The following PKIB variants were observed in gnomAD, a reference collection of about 807,000 sequenced individuals.
PKIB encodes cAMP-dependent protein kinase inhibitor beta.
A neutral mutation model predicts 4.5 loss-of-function variants in PKIB; 2 were observed. That is an observed-to-expected ratio of 0.44 (90% CI 0.18 to 1.39). The LOEUF is 1.39. Ranked by LOEUF, PKIB falls within the 40% of genes most tolerant of loss-of-function variation. PKIB has a pLI of 0.27. For missense variants in PKIB, 94 were observed against 92.6 expected, an observed-to-expected ratio of 1.02 and a Z score of -0.06; for synonymous variants, 38 against 36.0, an observed-to-expected ratio of 1.06 and a Z score of -0.20.
intron 2 of PKIB, among the ~76,000 whole-genome samples, chr6:122,669,015 G>A (rs1202858800): frequency 6.6e-6 from 1 of 152,070 alleles, no homozygotes; most frequent in Admixed American, 6.6e-5. Flanking sequence ...AAGAGTTTGA[G>A]ACCAGCCTGG....
chr6:122,686,947 C>A (rs1778117941), intron 3 of PKIB, among the ~76,000 whole-genome samples: 1 of 151,874 alleles, frequency 6.6e-6, no homozygotes, highest in Admixed American at 6.6e-5. Context: ...GTTTCCTTTC[C>A]TGTGAAGAAG....
At chr6:122,517,351 A>T (rs1403270186) in intron 2 of PKIB, among the ~76,000 whole-genome samples, 1 of 152,222 alleles carries the variant, frequency 6.6e-6, no homozygotes, top group Non-Finnish European at 1.5e-5. Context: ...TATAAGTCTA[A>T]TGCTTTTAGG....
At chr6:122,651,083 C>A (rs1056921976) in intron 2 of PKIB, among the ~76,000 whole-genome samples, 5 of 152,224 alleles carry the variant, frequency 3.3e-5, no homozygotes, top group South Asian at 2.1e-4. Flanking sequence ...CCTACACAAG[C>A]CAAATAGACG....
intron 2 of PKIB, among the ~76,000 whole-genome samples, chr6:122,509,802 T>C (rs1366085423): frequency 6.6e-6 from 1 of 152,152 alleles, no homozygotes; most frequent in Non-Finnish European, 1.5e-5. Flanking sequence ...ACCACTTAAC[T>C]AAATCATCAT....
chr6:122,709,315 G>A (rs1779184106), intron 3 of PKIB, among the ~76,000 whole-genome samples: 1 of 152,066 alleles, frequency 6.6e-6, no homozygotes, highest in African/African-American at 2.4e-5. Flanking sequence ...AGGACTAAGG[G>A]CAGTCACTTT....
intron 2 of PKIB, among the ~76,000 whole-genome samples, chr6:122,562,060 T>C (rs1434978815): frequency 6.7e-6 from 1 of 148,632 alleles, no homozygotes; most frequent in Non-Finnish European, 1.5e-5. Context: ...TTCTGTGTGA[T>C]TTATGCTTTA....
chr6:122,549,252 A>G (rs1183423600), intron 2 of PKIB, among the ~76,000 whole-genome samples: 1 of 152,188 alleles, frequency 6.6e-6, no homozygotes, highest in Non-Finnish European at 1.5e-5. Context: ...ATGAGGCAAT[A>G]AAAAAAGCAT....
At chr6:122,474,899 A>C (rs1775413789) in intron 1 of PKIB, among the ~76,000 whole-genome samples, 1 of 152,234 alleles carries the variant, frequency 6.6e-6, no homozygotes, top group Non-Finnish European at 1.5e-5. Flanking sequence ...AGCCATAGTA[A>C]AAATTTCAAT....
chr6:122,630,989 G>A (rs1200724039), intron 1 of PKIB, among the ~76,000 whole-genome samples: 2 of 152,234 alleles, frequency 1.3e-5, no homozygotes, highest in Admixed American at 6.5e-5. Context: ...AGCATTTTTT[G>A]TCGTTTTTAT....
chr6:122,505,850 AAC>A (rs1334856040), intron 2 of PKIB, among the ~76,000 whole-genome samples: 2 of 152,172 alleles, frequency 1.3e-5, no homozygotes, highest in South Asian at 2.1e-4. Flanking sequence ...TCATTTAAAT[AAC>A]AGTCTATATA....
intron 2 of PKIB, among the ~76,000 whole-genome samples, chr6:122,669,259 G>T (rs1294798548): frequency 6.6e-6 from 1 of 151,964 alleles, no homozygotes; most frequent in Non-Finnish European, 1.5e-5. Context: ...AAATTATTGA[G>T]ATCTGGCTTG....
chr6:122,478,553 T>C (rs1221451796), intron 2 of PKIB: 3 of 152,290 alleles, frequency 2.0e-5, no homozygotes, highest in African/African-American at 7.2e-5. Flanking sequence ...CACTGCACAT[T>C]GTTCAGCAAT....
intron 2 of PKIB, among the ~76,000 whole-genome samples, chr6:122,672,191 T>C (rs1049266013): frequency 2.6e-5 from 4 of 152,068 alleles, no homozygotes; most frequent in Admixed American, 1.3e-4. Context: ...AGACATGTAG[T>C]TTTCCCTGAG....
intron 2 of PKIB, among the ~76,000 whole-genome samples, chr6:122,533,461 T>C (rs559178977): frequency 6.6e-6 from 1 of 152,294 alleles, no homozygotes; most frequent in Admixed American, 6.5e-5. Context: ...ATTTAATTTT[T>C]AAATGTACAC....
chr6:122,593,120 T>G (rs964078343), intron 3 of PKIB, among the ~76,000 whole-genome samples: 3 of 152,198 alleles, frequency 2.0e-5, no homozygotes, highest in African/African-American at 4.8e-5. Flanking sequence ...TGAGAGAATT[T>G]GTTTACTGGA....
At chr6:122,558,471 G>A (rs1772913483) in intron 2 of PKIB, among the ~76,000 whole-genome samples, 1 of 152,118 alleles carries the variant, frequency 6.6e-6, no homozygotes, top group Admixed American at 6.5e-5. Context: ...AAGAACTATG[G>A]CAGCCCATCC....
At chr6:122,575,242 C>CA (rs1773492456) in intron 2 of PKIB, among the ~76,000 whole-genome samples, 1 of 151,848 alleles carries the variant, frequency 6.6e-6, no homozygotes, top group Non-Finnish European at 1.5e-5. Context: ...AGTAAAAAGT[C>CA]AAAAAACAAT....
chr6:122,555,515 A>T (rs868178847), intron 2 of PKIB, among the ~76,000 whole-genome samples: 4 of 152,336 alleles, frequency 2.6e-5, no homozygotes, highest in South Asian at 2.1e-4. Context: ...CTCAACATTT[A>T]AATTGACTTT....
intron 1 of PKIB, among the ~76,000 whole-genome samples, chr6:122,612,682 T>G (rs189950928): frequency 1.8e-4 from 28 of 152,308 alleles, no homozygotes; most frequent in African/African-American, 6.7e-4. Flanking sequence ...CCACATTTTG[T>G]CAATTTACTA....
Sources: allele counts gnomAD v4.1 joint callset (sites outside exome capture counted in the v4.1 genomes callset), GRCh38; gene constraint gnomAD v4.1.1; transcripts MANE v1.5; gene names NCBI Gene and HGNC (gene_info 2026-07-23, HGNC 2026-07-21).